LMBR1: variants seen among roughly 807,000 people sequenced by gnomAD.
LMBR1 encodes the protein limb development membrane protein 1, also known as limb region 1 protein homolog.
Under a neutral mutation model 73.9 loss-of-function variants are expected in LMBR1, and 52 were observed. That is an observed-to-expected ratio of 0.70 (90% CI 0.56 to 0.89). The LOEUF (loss-of-function observed/expected upper bound fraction) is 0.89. LMBR1 is among the 40% of genes least tolerant of loss of function. The probability of loss-of-function intolerance (pLI) is 0.00; values close to 1 mark genes in which losing one functional copy is unlikely to be tolerated. For missense variants in LMBR1, 539 were observed against 579.8 expected, an observed-to-expected ratio of 0.93 and a Z score of 0.72; for synonymous variants, 215 against 209.4, an observed-to-expected ratio of 1.03 and a Z score of -0.23.
intron 15 of LMBR1, among the ~76,000 whole-genome samples, chr7:156,693,377 T>A (rs530585796): frequency 2.4e-4 from 36 of 152,066 alleles, no homozygotes; most frequent in African/African-American, 8.0e-4. Context: ...AGAGTTGGAT[T>A]TTTTAAAAGA....
At position 156,809,485 on chromosome 7, in the gene LMBR1, C is replaced by T. The variant is rs140285770; in HGVS notation, c.320-12993G>A. ...TAACCTATGCATATCCTCCTATATA[C>T]TTTAAATCATCCATAGATTACTTAC... On this transcript the variant is annotated intron_variant, in intron 4 of 16. Transcript: ENST00000353442. 2.9e-3 allele frequency among the ~76,000 whole-genome samples: 444 copies of T among 152,300 alleles called. 5 individuals carry two copies. Among genetic ancestry groups the T allele is most frequent in the Non-Finnish European group, 5.5e-3 (377 of 68,024 alleles).
At chr7:156,794,857 T>A (rs1441314804) in intron 5 of LMBR1, among the ~76,000 whole-genome samples, 1 of 152,180 alleles carries the variant, frequency 6.6e-6, no homozygotes, top group African/African-American at 2.4e-5. Flanking sequence ...GTGGGGCATG[T>A]ACTCCTTTGT....
intron 15 of LMBR1, among the ~76,000 whole-genome samples, chr7:156,690,335 GACTT>G (rs1449696400): frequency 6.6e-6 from 1 of 152,110 alleles, no homozygotes; most frequent in Non-Finnish European, 1.5e-5. Context: ...ACAGTCCAAC[GACTT>G]ACTTTATGAA....
At chr7:156,704,946 T>C (rs1810606167) in intron 15 of LMBR1, among the ~76,000 whole-genome samples, 1 of 152,078 alleles carries the variant, frequency 6.6e-6, no homozygotes, top group African/African-American at 2.4e-5. Flanking sequence ...TTGGAGATGT[T>C]TGAGACTACA....
rs1419917641 is a variant in LMBR1, at chr7:156,876,111, T to C, written c.66+16817A>G. ...CATAAGGACTCACATAAACTTAAGG[T>C]AAAGGTGGAAAAAGACATTCCATGC... On this transcript the variant is annotated intron_variant, in intron 1 of 16. Transcript: ENST00000353442. Among the ~76,000 whole-genome samples the C allele has an allele frequency of 2.6e-5, 4 of 152,026 alleles. No homozygotes were observed. The East Asian group carries it at 5.8e-4, about 22-fold the overall frequency.
At chr7:156,841,753 C>A (rs1309385246) in intron 1 of LMBR1, among the ~76,000 whole-genome samples, 1 of 151,952 alleles carries the variant, frequency 6.6e-6, no homozygotes, top group Admixed American at 6.5e-5. Flanking sequence ...GAGGTAAAAC[C>A]CTGAGGCAGA....
Position 156,893,134 on chromosome 7 carries a change from AC to A in LMBR1, c.-142del. On this transcript the variant is annotated 5_prime_UTR_variant, in exon 1 of 17. Coordinates refer to ENST00000353442, the MANE Select transcript of LMBR1 (RefSeq NM_022458.4). ...GAGCCGTGTTGGAACAGGTACCGCG[AC>A]CACGACACCGGCCGTCGCCTCAGCA... is the stretch of plus-strand genomic sequence containing the variant. 1 of 732,382 alleles carries A rather than the reference AC, an allele frequency of 1.4e-6. No homozygotes were observed. The highest frequency in any genetic ancestry group is 1.9e-6 in the Non-Finnish European group (1 of 526,060). 45.4% of individuals were successfully genotyped at this position (732,382 alleles called of 1,614,324 possible).
At chr7:156,716,968 T>A (rs146270301) in intron 15 of LMBR1, among the ~76,000 whole-genome samples, 3 of 151,946 alleles carry the variant, frequency 2.0e-5, no homozygotes, top group African/African-American at 7.2e-5. Context: ...TGAGACCCCA[T>A]CTCTACAAAA....
chr7:156,873,310 T>A (rs1289538239), intron 1 of LMBR1, among the ~76,000 whole-genome samples: 1 of 151,778 alleles, frequency 6.6e-6, no homozygotes, highest in Non-Finnish European at 1.5e-5. Flanking sequence ...TTCCTCCCGG[T>A]GGGCTCCTGG....
intron 1 of LMBR1, among the ~76,000 whole-genome samples, chr7:156,883,358 CACTG>C (rs1289033294): frequency 4.0e-5 from 6 of 151,322 alleles, no homozygotes; most frequent in African/African-American, 2.4e-5. Flanking sequence ...AAGATCATGT[CACTG>C]CACTCCAGCC....
chr7:156,843,917 G>A (rs1839159388), intron 1 of LMBR1, among the ~76,000 whole-genome samples: 1 of 151,878 alleles, frequency 6.6e-6, no homozygotes, highest in Admixed American at 6.6e-5. Flanking sequence ...TGGAGAAAAG[G>A]AAAACAAGTA....
intron 5 of LMBR1, among the ~76,000 whole-genome samples, chr7:156,791,335 G>T (rs769895008): frequency 1.3e-5 from 2 of 152,024 alleles, no homozygotes; most frequent in Non-Finnish European, 2.9e-5. Context: ...GGCAAAAAAC[G>T]AGCAAAAATA....
chr7:156,867,810 G>C (rs1798680705), intron 1 of LMBR1, among the ~76,000 whole-genome samples: 1 of 152,176 alleles, frequency 6.6e-6, no homozygotes, highest in Non-Finnish European at 1.5e-5. Flanking sequence ...ACTGAACATA[G>C]GGTTTGTCTC....
intron 15 of LMBR1, among the ~76,000 whole-genome samples, chr7:156,715,179 T>A (rs780789139): frequency 2.0e-5 from 3 of 152,140 alleles, no homozygotes; most frequent in South Asian, 2.1e-4. Flanking sequence ...CTGGAACTAC[T>A]GGCATCAAGT....
chr7:156,796,331 G>A (rs1830052652), intron 5 of LMBR1, 58 bp downstream of exon 5: 1 of 1,115,906 alleles, frequency 9.0e-7, no homozygotes, highest in African/African-American at 1.6e-5. Flanking sequence ...CTAGTTCAAT[G>A]TGAATGATAT....
At chr7:156,840,964 C>CA (rs57968006) in intron 1 of LMBR1, among the ~76,000 whole-genome samples, 19,668 of 70,620 alleles carry the variant, frequency 0.28, 2,148 homozygotes, top group South Asian at 0.36. Flanking sequence ...GACTCGGTCT[C>CA]AAAAAAAAAA....
intron 5 of LMBR1, among the ~76,000 whole-genome samples, chr7:156,794,758 T>G (rs541424129): frequency 1.3e-5 from 2 of 152,302 alleles, no homozygotes; most frequent in Admixed American, 6.5e-5. Context: ...GAACTTTGCT[T>G]ATTGAAAGCA....
intron 1 of LMBR1, among the ~76,000 whole-genome samples, chr7:156,856,222 G>GTAGATAGATAGA (rs59069931): frequency 1.4e-4 from 21 of 151,932 alleles, no homozygotes; most frequent in African/African-American, 3.1e-4. Flanking sequence ...AGACAGATAG[G>GTAGATAGATAGA]TAGATAGATA....
At chr7:156,756,603 AAC>A (rs1413098216) in intron 8 of LMBR1, 138 bp from the exon 9 acceptor site, 1 of 576,600 alleles carries the variant, frequency 1.7e-6, no homozygotes, top group Non-Finnish European at 3.0e-6. Context: ...AAAAAACTCC[AAC>A]TATGTTATTT....
Sources: gnomAD v4.1 joint callset for allele counts (sites outside exome capture counted in the v4.1 genomes callset) on GRCh38, gnomAD v4.1.1 for gene constraint, MANE v1.5 for transcripts, NCBI Gene and HGNC (gene_info 2026-07-23, HGNC 2026-07-21) for gene names.